ANK2: variants seen among roughly 807,000 people sequenced by gnomAD.
The protein encoded by ANK2 is ankyrin-2.
A neutral mutation model predicts 360.5 loss-of-function variants in ANK2; 83 were observed. The ratio of observed to expected loss-of-function variants is 0.23; its 90% CI spans 0.19 to 0.28. The LOEUF (loss-of-function observed/expected upper bound fraction) is 0.28. ANK2 is among the 10% of genes least tolerant of loss of function. The pLI is 1.00. For missense variants in ANK2, 4,201 were observed against 4,795.7 expected, an observed-to-expected ratio of 0.88 and a Z score of 3.66; for synonymous variants, 1,740 against 1,759.5, an observed-to-expected ratio of 0.99 and a Z score of 0.28.
chr4:113,260,925 C>G (rs1377905692), intron 13 of ANK2, among the ~76,000 whole-genome samples: 2 of 152,154 alleles, frequency 1.3e-5, no homozygotes, highest in African/African-American at 2.4e-5. Context: ...ACCCTTGGAG[C>G]CTTTGTGTGT....
At chr4:112,941,227 G>A (rs1054693839) in intron 2 of ANK2, among the ~76,000 whole-genome samples, 10 of 148,914 alleles carry the variant, frequency 6.7e-5, no homozygotes, top group Admixed American at 4.0e-4. Flanking sequence ...AACCTAATTC[G>A]GTTAAAAAGA....
intron 42 of ANK2, among the ~76,000 whole-genome samples, chr4:113,368,149 C>G (rs2096602593): frequency 6.6e-6 from 1 of 152,178 alleles, no homozygotes; most frequent in South Asian, 2.1e-4. Flanking sequence ...ACACACTTGA[C>G]TCATCTCACA....
At chr4:113,293,060 C>G in intron 21 of ANK2, 1 of 372,686 alleles carries the variant, frequency 2.7e-6, no homozygotes, top group Non-Finnish European at 5.2e-6. Context: ...TTACCTGCAG[C>G]AGATGGCCTG....
chr4:113,228,073 A>G (rs2153518704), intron 4 of ANK2, among the ~76,000 whole-genome samples: 1 of 152,334 alleles, frequency 6.6e-6, no homozygotes, highest in South Asian at 2.1e-4. Flanking sequence ...TCATGGTGCA[A>G]GGCACACATG....
In ANK2 at chr4:113,358,758, A is replaced by AAGC. The variant is rs1388427381; in HGVS notation, c.10142_10144dup (p.Ser3381dup). ...TGGCTCCTCAGGGACAGGACATGGC[A>AAGC]AGCATCGCACCAGATAATAGAAGCA... On this transcript the variant is annotated inframe_insertion, in exon 38 of 46. Transcript: ENST00000357077. The AAGC allele has an allele frequency of 1.2e-6, 2 of 1,614,000 alleles. No individual in the cohort carries two copies. The highest frequency in any genetic ancestry group is 1.7e-6 in the Non-Finnish European group (2 of 1,179,970).
chr4:112,959,477 A>G (rs143109522), intron 2 of ANK2, among the ~76,000 whole-genome samples: 6 of 152,304 alleles, frequency 3.9e-5, no homozygotes, highest in Admixed American at 2.6e-4. Flanking sequence ...TGCTTTAATC[A>G]ATGTTTGCCT....
the ANK2 span, among the ~76,000 whole-genome samples, chr4:112,771,397 C>T: frequency 2.6e-5 from 4 of 152,028 alleles, no homozygotes; most frequent in African/African-American, 9.7e-5. Flanking sequence ...GGATTACAGG[C>T]GTGAGCCACC....
chr4:113,357,342 T>C lies in ANK2; in HGVS notation c.8724T>C (p.Val2908=), dbSNP rs753009528. 6.2e-7 allele frequency: 1 copy of C among 1,614,096 alleles called. No homozygotes were observed. The highest frequency in any genetic ancestry group is 8.5e-7 in the Non-Finnish European group (1 of 1,179,994). ...TTQTDRFSMD[V]PVSDLAENDE... The stretch of plus-strand genomic sequence containing the variant: ...AAACAGATAGATTTTCCATGGATGT[T>C]CCCGTGTCTGACCTAGCTGAGAATG... Residue 2908 remains valine, a synonymous_variant, in exon 38 of 46, where the codon GTT becomes GTC. Transcript: ENST00000357077.
At chr4:113,182,083 G>A (rs1391513808) in intron 2 of ANK2, among the ~76,000 whole-genome samples, 1 of 152,164 alleles carries the variant, frequency 6.6e-6, no homozygotes, top group Admixed American at 6.5e-5. Context: ...AGGAGAATTG[G>A]TGAGACGTGG....
At chr4:112,787,581 T>G in the ANK2 span, among the ~76,000 whole-genome samples, 1 of 152,218 alleles carries the variant, frequency 6.6e-6, no homozygotes, top group African/African-American at 2.4e-5. Flanking sequence ...TAATTTCCAT[T>G]GCCCCAGTAG....
At chr4:113,242,077 C>T (rs781659040) in intron 8 of ANK2, 34 bp from the exon 9 acceptor site, 1 of 1,567,898 alleles carries the variant, frequency 6.4e-7, no homozygotes, top group South Asian at 1.1e-5. Context: ...CCTGTCATAC[C>T]CAACAGCTCT....
rs141999070 is a variant in ANK2, at chr4:113,346,628, A to G, written c.4371+606A>G. ...CTCTGGAGGCTGGGGTGAGAGGATC[A>G]CTTGAGCCCAGGACTTCAAGGGCAG... is the stretch of plus-strand genomic sequence containing the variant. On this transcript the variant is annotated intron_variant, in intron 35 of 45. Transcript: ENST00000357077. Among the ~76,000 whole-genome samples the G allele has an allele frequency of 2.5e-3, 387 of 152,306 alleles. 2 individuals carry two copies. The highest frequency in any genetic ancestry group is 4.2e-3 in the Non-Finnish European group (285 of 68,020).
chr4:112,807,625 TAGATTAGGGAGAAATAATC>T, the ANK2 span, among the ~76,000 whole-genome samples: 7 of 152,362 alleles, frequency 4.6e-5, no homozygotes, highest in East Asian at 1.3e-3. Flanking sequence ...TGTGAGTACT[TAGATTAGGGAGAAATAATC>T]AGTAGGAATA....
chr4:113,252,742 A>T (rs1055105369), intron 10 of ANK2, among the ~76,000 whole-genome samples: 2 of 152,276 alleles, frequency 1.3e-5, no homozygotes, highest in African/African-American at 4.8e-5. Flanking sequence ...CACAAATTTC[A>T]TAGTCATTTA....
rs2084159925 is a variant in ANK2, at chr4:113,318,509, G to T, written c.2797-8G>T. 6.2e-7 allele frequency: 1 copy of T among 1,608,350 alleles called. No homozygotes were observed. Among genetic ancestry groups the T allele is most frequent in the Non-Finnish European group, 8.5e-7 (1 of 1,175,396 alleles). ...GTGTTTATTCAATCCAGTGTTCTTT[G>T]TGTTTAGGTGTCAACTCTAGCCAAG... On this transcript the variant is annotated splice_polypyrimidine_tract_variant and splice_region_variant and intron_variant, in intron 25 of 45. Transcript: ENST00000357077.
intron 1 of ANK2, among the ~76,000 whole-genome samples, chr4:112,833,210 A>G (rs894584424): frequency 5.3e-5 from 8 of 152,262 alleles, no homozygotes; most frequent in Non-Finnish European, 1.2e-4. Context: ...TTTAAACAGA[A>G]TAAGCCAAAC....
Position 113,363,290 on chromosome 4 carries a change from T to A in ANK2, c.10757-48T>A, listed in dbSNP as rs754209415. 5 of 1,597,350 alleles carry A rather than the reference T, an allele frequency of 3.1e-6. No homozygotes were observed. The South Asian group carries it at 4.4e-5, about 14-fold the overall frequency. ...AAATCACAAAGCAAAATGTAGAGAC[T>A]GAAACCTTGAAGTTAATGTGTTTAC... On this transcript the variant is annotated intron_variant, in intron 39 of 45. Transcript: ENST00000357077.
the ANK2 span, among the ~76,000 whole-genome samples, chr4:112,802,773 A>G: frequency 6.6e-6 from 1 of 152,198 alleles, no homozygotes; most frequent in Admixed American, 6.5e-5. Context: ...TTAAAACAAA[A>G]ACAAAAACAA....
chr4:113,142,189 G>T (rs2096656482), intron 1 of ANK2, among the ~76,000 whole-genome samples: 1 of 152,140 alleles, frequency 6.6e-6, no homozygotes, highest in Non-Finnish European at 1.5e-5. Flanking sequence ...AAAGGATGGT[G>T]CTGCATTGTA....
Sources: gnomAD v4.1 joint callset for allele counts (sites outside exome capture counted in the v4.1 genomes callset) on GRCh38, gnomAD v4.1.1 for gene constraint, MANE v1.5 for transcripts, NCBI Gene and HGNC (gene_info 2026-07-23, HGNC 2026-07-21) for gene names.